Variants in PXDC1 observed in about 807,000 individuals in gnomAD.
The protein encoded by PXDC1 is PX domain containing 1.
A neutral mutation model predicts 24.4 loss-of-function variants in PXDC1; 13 were observed. The ratio of observed to expected loss-of-function variants is 0.53; its 90% CI spans 0.35 to 0.85. The LOEUF (loss-of-function observed/expected upper bound fraction) is 0.85, where lower values mean the gene tolerates loss of function less well. Ranked by LOEUF, PXDC1 falls within the 40% of genes least tolerant of loss-of-function variation. The pLI is 0.01. For missense variants in PXDC1, 344 were observed against 309.3 expected, an observed-to-expected ratio of 1.11 and a Z score of -0.84; for synonymous variants, 162 against 124.9, an observed-to-expected ratio of 1.30 and a Z score of -1.98.
At chr6:3,743,809 C>A (rs771013614) in intron 1 of PXDC1, among the ~76,000 whole-genome samples, 14 of 152,228 alleles carry the variant, frequency 9.2e-5, no homozygotes, top group Non-Finnish European at 2.1e-4. Flanking sequence ...AGGCCTCCCC[C>A]ACACCTCCAC....
chr6:3,751,316 G>A lies in PXDC1; in HGVS notation c.216C>T (p.Pro72=), dbSNP rs758539503. 1.4e-5 allele frequency: 21 copies of A among 1,547,676 alleles called. No individual in the cohort carries two copies. Among genetic ancestry groups the A allele is most frequent in the Non-Finnish European group, 1.8e-5 (21 of 1,151,978 alleles). The change falls in exon 1 of 5, where the codon CCC becomes CCT. Residue 72 remains proline, a synonymous_variant. Coordinates refer to ENST00000380283, the MANE Select transcript of PXDC1 (RefSeq NM_183373.4). The part of the protein sequence containing the change: ...RLWQRLRDAF[P]EDRSELAQGP... The stretch of plus-strand genomic sequence containing the variant: ...CCTGCGCCAGTTCGGACCGGTCCTC[G>A]GGAAAGGCGTCGCGCAGGCGCTGCC...
chr6:3,726,986 G>C (rs1444153384), intron 4 of PXDC1, among the ~76,000 whole-genome samples: 1 of 152,248 alleles, frequency 6.6e-6, no homozygotes, highest in African/African-American at 2.4e-5. Context: ...AGCTGTCTGG[G>C]GACCCTGGTG....
rs931236731 is a variant in PXDC1 at position 3,739,075 on chromosome 6, G to A, written c.257-927C>T. On this transcript the variant is annotated intron_variant, in intron 1 of 4. Transcript: ENST00000380283. The stretch of plus-strand genomic sequence containing the variant: ...GCACCAACCTAGTATTATTGGTCAC[G>A]GAGACTAACTTTTTCAGAAGTTCTG... 1.4e-5 allele frequency: 17 copies of A among 1,180,660 alleles called. No homozygotes were observed. In the Admixed American group the frequency reaches 1.4e-4, roughly 10 times the overall value. 73.1% of individuals were successfully genotyped at this position (1,180,660 alleles called of 1,614,324 possible).
At position 3,738,139 on chromosome 6, in the gene PXDC1, G is replaced by A; in HGVS notation, c.266C>T (p.Ala89Val). ...CTCTATGTCGTGGGCTTCCTTTATGGCAACCAGTCCTAGAATTGAGACAGA... is the reference window on the plus strand; with the variant it reads ...CTCTATGTCGTGGGCTTCCTTTATGACAACCAGTCCTAGAATTGAGACAGA... ...AQGPLRQGLV[A>V]IKEAHDIETR... is the part of the protein sequence containing the mutation. The change falls in exon 2 of 5, where the codon GCC (alanine) becomes GTC (valine). Residue 89 changes from alanine (A) to valine (V), a missense_variant. Transcript: ENST00000380283. The A allele has an allele frequency of 6.2e-7, 1 of 1,613,526 alleles. No individual in the cohort carries two copies. Among genetic ancestry groups the A allele is most frequent in the Non-Finnish European group, 8.5e-7 (1 of 1,179,534 alleles).
chr6:3,734,260 C>T (rs1011093849), intron 3 of PXDC1, among the ~76,000 whole-genome samples: 2 of 152,166 alleles, frequency 1.3e-5, no homozygotes, highest in South Asian at 2.1e-4. Flanking sequence ...AAGCATGTGC[C>T]GGGCACTGTG....
chr6:3,749,593 G>A (rs1760653548), intron 1 of PXDC1, among the ~76,000 whole-genome samples: 1 of 151,480 alleles, frequency 6.6e-6, no homozygotes, highest in Non-Finnish European at 1.5e-5. Context: ...CAGCGTGGAT[G>A]CAACTGAAAC....
chr6:3,738,671 G>T, intron 1 of PXDC1: 2 of 687,322 alleles, frequency 2.9e-6, no homozygotes, highest in Non-Finnish European at 4.3e-6. Flanking sequence ...TCAGATCTCT[G>T]CCTGGACAAA....
At chr6:3,736,153 C>G (rs1047561494) in intron 3 of PXDC1, among the ~76,000 whole-genome samples, 1 of 152,174 alleles carries the variant, frequency 6.6e-6, no homozygotes, top group Admixed American at 6.5e-5. Context: ...CTCTGGTCTC[C>G]CAATTCCTTC....
At chr6:3,735,139 A>G (rs1760286211) in intron 3 of PXDC1, among the ~76,000 whole-genome samples, 1 of 152,220 alleles carries the variant, frequency 6.6e-6, no homozygotes, top group African/African-American at 2.4e-5. Context: ...GGAACCAAAA[A>G]AGATGCCAAA....
rs779873963 is a variant in PXDC1, at chr6:3,751,544, C to G, written c.-13G>C. ...CCGCCGAGGCCATGTCGCACGCATG[C>G]CCCCGCCAAGGGCTCCCCAGCCCCG... On this transcript the variant is annotated 5_prime_UTR_variant, in exon 1 of 5. Coordinates refer to ENST00000380283, the MANE Select transcript of PXDC1 (RefSeq NM_183373.4). The G allele has an allele frequency of 9.0e-6, 14 of 1,556,068 alleles. No homozygotes were observed. Among genetic ancestry groups the G allele is most frequent in the Non-Finnish European group, 1.2e-5 (14 of 1,154,230 alleles).
chr6:3,746,505 C>T (rs1477461431), intron 1 of PXDC1, among the ~76,000 whole-genome samples: 4 of 152,160 alleles, frequency 2.6e-5, no homozygotes, highest in Non-Finnish European at 4.4e-5. Flanking sequence ...AAGGAAGATC[C>T]AAGTCCCCTG....
At chr6:3,727,133 G>C (rs1181721827) in intron 4 of PXDC1, among the ~76,000 whole-genome samples, 1 of 152,236 alleles carries the variant, frequency 6.6e-6, no homozygotes, top group African/African-American at 2.4e-5. Context: ...TGGTGGCTTT[G>C]GCTGTCCAGC....
chr6:3,740,590 C>T (rs374731109), intron 1 of PXDC1, among the ~76,000 whole-genome samples: 3 of 152,170 alleles, frequency 2.0e-5, no homozygotes, highest in Non-Finnish European at 4.4e-5. Context: ...TTTAGTTGGG[C>T]GTGCAGACTC....
intron 3 of PXDC1, among the ~76,000 whole-genome samples, chr6:3,731,392 A>T (rs1427512293): frequency 6.6e-6 from 1 of 152,238 alleles, no homozygotes; most frequent in Non-Finnish European, 1.5e-5. Flanking sequence ...TCAAACATAC[A>T]GTGTGAATGT....
Position 3,725,144 on chromosome 6 carries a change from AG to A in PXDC1, c.579-1409del, listed in dbSNP as rs1437486052. Among the ~76,000 whole-genome samples, 1 of 152,072 alleles carries A rather than the reference AG, an allele frequency of 6.6e-6. No individual in the cohort carries two copies. Among genetic ancestry groups the A allele is most frequent in the Non-Finnish European group, 1.5e-5 (1 of 68,018 alleles). The stretch of plus-strand genomic sequence containing the variant: ...CAGACCAGGGCTGGATGGAAACCCA[AG>A]GGGGAACCTTGGGCGTGCCGAAAGG... On this transcript the variant is annotated intron_variant, in intron 4 of 4. Transcript: ENST00000380283. The surrounding 1 kb of genome is among the most constrained non-coding windows in gnomAD (Gnocchi z 4.8).
intron 1 of PXDC1, among the ~76,000 whole-genome samples, chr6:3,745,507 G>A (rs1043308475): frequency 1.3e-5 from 2 of 152,220 alleles, no homozygotes; most frequent in Non-Finnish European, 2.9e-5. Flanking sequence ...TGACATGCAG[G>A]TGGCAAAGCC....
intron 3 of PXDC1, among the ~76,000 whole-genome samples, chr6:3,733,699 T>C (rs1457441405): frequency 6.6e-6 from 1 of 152,178 alleles, no homozygotes; most frequent in African/African-American, 2.4e-5. Flanking sequence ...CCCCAGACTT[T>C]GCACTGAGAC....
intron 3 of PXDC1, among the ~76,000 whole-genome samples, chr6:3,734,457 A>G (rs887921456): frequency 3.9e-5 from 6 of 152,196 alleles, no homozygotes; most frequent in Admixed American, 2.6e-4. Flanking sequence ...CACTCAGACT[A>G]AAGAACCAGG....
intron 4 of PXDC1, among the ~76,000 whole-genome samples, 175 bp downstream of exon 4, chr6:3,727,376 A>T (rs1422208375): frequency 6.6e-6 from 1 of 152,200 alleles, no homozygotes; most frequent in Non-Finnish European, 1.5e-5. Context: ...TCACTCATCA[A>T]GATCTCACCA....
Sources: gnomAD v4.1 joint callset for allele counts (sites outside exome capture counted in the v4.1 genomes callset) on GRCh38, gnomAD v4.1.1 for gene constraint, Gnocchi (gnomAD v3.1) non-coding constraint, MANE v1.5 for transcripts, NCBI Gene and HGNC (gene_info 2026-07-23, HGNC 2026-07-21) for gene names.